Variants in TMEM236 observed in about 807,000 individuals in gnomAD.
TMEM236 encodes transmembrane protein 236.
TMEM236 carries 11 observed loss-of-function variants against 14.7 expected under a neutral mutation model. That is an observed-to-expected ratio of 0.75 (90% CI 0.47 to 1.24). TMEM236 has a LOEUF of 1.24. Among genes scored for constraint, TMEM236 ranks in the 50% most tolerant of loss-of-function variants. The pLI is 0.00. For synonymous variants in TMEM236, 182 were observed against 168.6 expected (o/e 1.08, Z -0.62); for missense variants, 464 against 427.3 (o/e 1.09, Z -0.76).
chr10:17,779,516 T>A (rs1315595390), intron 3 of TMEM236, among the ~76,000 whole-genome samples: 1 of 152,118 alleles, frequency 6.6e-6, no homozygotes, highest in Non-Finnish European at 1.5e-5. Context: ...AGAGTCTTGA[T>A]CCTCCTGCCT....
In TMEM236 at chr10:17,796,654, G is replaced by GTTTT; in HGVS notation, c.*158_*161dup. The GTTTT allele has an allele frequency of 1.8e-6, 1 of 565,654 alleles. No individual in the cohort carries two copies. The highest frequency in any genetic ancestry group is 3.0e-6 in the Non-Finnish European group (1 of 328,146). The allele number at this position is 565,654 out of a possible 1,614,324, so 35.0% of individuals were successfully genotyped here. A position where few individuals can be genotyped will look rare whatever the true frequency, so the allele number is the denominator to read the frequency against. ...CATTTTTACTAACTCTAGCATATCAGTTTTTTTTTTTACATATACAAATGG... is the reference window on the plus strand; with the variant it reads ...CATTTTTACTAACTCTAGCATATCAGTTTTTTTTTTTTTTTACATATACAAATGG... On this transcript the variant is annotated 3_prime_UTR_variant, in exon 4 of 4. Coordinates refer to ENST00000377495, the MANE Select transcript of TMEM236 (RefSeq NM_001098844.3).
chr10:17,783,679 C>G (rs1051736768), intron 3 of TMEM236, among the ~76,000 whole-genome samples: 7 of 152,190 alleles, frequency 4.6e-5, no homozygotes, highest in Non-Finnish European at 7.3e-5. Flanking sequence ...AGTTAAATTG[C>G]TCCCTCTAAA....
chr10:17,780,015 G>A (rs2131756193), intron 3 of TMEM236, among the ~76,000 whole-genome samples: 1 of 152,276 alleles, frequency 6.6e-6, no homozygotes, highest in Admixed American at 6.5e-5. Flanking sequence ...GAGGTTTCAG[G>A]CAGAGCACTA....
At chr10:17,780,396 C>T (rs1837726703) in intron 3 of TMEM236, among the ~76,000 whole-genome samples, 1 of 152,154 alleles carries the variant, frequency 6.6e-6, no homozygotes, top group Non-Finnish European at 1.5e-5. Flanking sequence ...TCAGTCCTAC[C>T]TTCAAGACTC....
intron 3 of TMEM236, among the ~76,000 whole-genome samples, chr10:17,790,041 A>C (rs1589152699): frequency 6.6e-6 from 1 of 151,904 alleles, no homozygotes; most frequent in African/African-American, 2.4e-5. Flanking sequence ...GAAAAGAATA[A>C]AACAAAAAAA....
chr10:17,781,466 G>C (rs1837746730), intron 3 of TMEM236, among the ~76,000 whole-genome samples: 1 of 152,100 alleles, frequency 6.6e-6, no homozygotes, highest in South Asian at 2.1e-4. Context: ...AGCCCGGCGT[G>C]GTGGCTCACG....
intron 3 of TMEM236, among the ~76,000 whole-genome samples, chr10:17,795,358 A>C (rs1837994226): frequency 6.6e-6 from 1 of 152,244 alleles, no homozygotes; most frequent in Admixed American, 6.5e-5. Context: ...GGCGTTCTTT[A>C]ACCTCTCAAG....
intron 2 of TMEM236, among the ~76,000 whole-genome samples, chr10:17,775,301 G>A (rs1241863559): frequency 2.0e-5 from 3 of 152,228 alleles, no homozygotes; most frequent in South Asian, 2.1e-4. Context: ...GTGGGGCAGG[G>A]TCTTGCTCTG....
chr10:17,769,496 A>C (rs1837531602), intron 1 of TMEM236, among the ~76,000 whole-genome samples: 1 of 152,238 alleles, frequency 6.6e-6, no homozygotes, highest in Non-Finnish European at 1.5e-5. Context: ...CCAGGAAGAT[A>C]ATATAGATAA....
At chr10:17,777,994 C>T (rs1312116203) in intron 3 of TMEM236, among the ~76,000 whole-genome samples, 9 of 152,222 alleles carry the variant, frequency 5.9e-5, no homozygotes, top group Admixed American at 5.9e-4. Context: ...CCACCTGGGC[C>T]TCCCAAAGTG....
intron 3 of TMEM236, among the ~76,000 whole-genome samples, chr10:17,787,246 C>T (rs1837852348): frequency 6.6e-6 from 1 of 152,200 alleles, no homozygotes; most frequent in African/African-American, 2.4e-5. Context: ...CTGTGCCATG[C>T]CAGACAGCGC....
At chr10:17,760,291 T>C (rs980268704) in intron 1 of TMEM236, among the ~76,000 whole-genome samples, 12 of 152,206 alleles carry the variant, frequency 7.9e-5, no homozygotes, top group Non-Finnish European at 1.8e-4. Context: ...ACTATTTGTA[T>C]TTTCTAAAAA....
At chr10:17,778,705 A>G (rs1234752877) in intron 3 of TMEM236, among the ~76,000 whole-genome samples, 1 of 152,220 alleles carries the variant, frequency 6.6e-6, no homozygotes, top group African/African-American at 2.4e-5. Context: ...TTTATGCTAG[A>G]TGAAACCAAC....
At chr10:17,756,361 A>T (rs1170254940) in intron 1 of TMEM236, among the ~76,000 whole-genome samples, 4 of 151,642 alleles carry the variant, frequency 2.6e-5, no homozygotes, top group Non-Finnish European at 5.9e-5. Flanking sequence ...CAGAGGAGCG[A>T]TCTAGGCTCC....
intron 1 of TMEM236, among the ~76,000 whole-genome samples, chr10:17,764,898 T>C (rs1302439252): frequency 7.1e-6 from 1 of 141,358 alleles, no homozygotes. Flanking sequence ...AGTGGTGCGA[T>C]CTTGGCTCAC....
chr10:17,765,568 A>G (rs957303894), intron 1 of TMEM236, among the ~76,000 whole-genome samples: 1 of 152,202 alleles, frequency 6.6e-6, no homozygotes, highest in African/African-American at 2.4e-5. Flanking sequence ...CTTCCCACAT[A>G]CAATGGTGGA....
intron 1 of TMEM236, among the ~76,000 whole-genome samples, chr10:17,769,105 T>C (rs2131747427): frequency 6.6e-6 from 1 of 150,924 alleles, no homozygotes; most frequent in Admixed American, 6.6e-5. Flanking sequence ...CAAGACGTGT[T>C]TTACATTTTA....
In TMEM236 at chr10:17,799,010, T is replaced by C. The variant is rs1475217299; in HGVS notation, c.*2506T>C. On this transcript the variant is annotated 3_prime_UTR_variant, in exon 4 of 4. Coordinates refer to ENST00000377495, the MANE Select transcript of TMEM236 (RefSeq NM_001098844.3). ...ATAATACATACAATCTTAAGGTTAC[T>C]TCAGACTATACTTTTTCATCGAGGA... The C allele has an allele frequency of 3.6e-6, 1 of 279,936 alleles. No individual in the cohort carries two copies. The highest frequency in any genetic ancestry group is 2.2e-5 in the African/African-American group (1 of 44,794). The allele number at this position is 279,936 out of a possible 1,614,324, so 17.3% of individuals were successfully genotyped here. A position where few individuals can be genotyped will look rare whatever the true frequency, so the allele number is the denominator to read the frequency against.
intron 3 of TMEM236, among the ~76,000 whole-genome samples, chr10:17,792,344 T>C (rs2131767387): frequency 6.6e-6 from 1 of 152,316 alleles, no homozygotes; most frequent in South Asian, 2.1e-4. Context: ...TGTTTCAGCC[T>C]CCCAAAGTGC....
Sources: allele counts gnomAD v4.1 joint callset (sites outside exome capture counted in the v4.1 genomes callset), GRCh38; gene constraint gnomAD v4.1.1; transcripts MANE v1.5; gene names NCBI Gene and HGNC (gene_info 2026-07-23, HGNC 2026-07-21).